RALGPS1: variants seen among roughly 807,000 people sequenced by gnomAD.
The protein encoded by RALGPS1 is ras-specific guanine nucleotide-releasing factor RalGPS1.
A neutral mutation model predicts 78.8 loss-of-function variants in RALGPS1; 19 were observed. The observed-to-expected ratio is 0.24, with a 90% CI of 0.17 to 0.35. The LOEUF (loss-of-function observed/expected upper bound fraction) is 0.35, where lower values mean the gene tolerates loss of function less well. Among genes scored for constraint, RALGPS1 ranks in the 10% least tolerant of loss-of-function variants. The pLI, the probability that RALGPS1 is intolerant of heterozygous loss-of-function variation, is 1.00. For missense variants in RALGPS1, 454 were observed against 688.3 expected, an observed-to-expected ratio of 0.66 and a Z score of 3.81; for synonymous variants, 228 against 256.3, an observed-to-expected ratio of 0.89 and a Z score of 1.06.
chr9:127,032,639 G>C (rs1306086893), intron 4 of RALGPS1, among the ~76,000 whole-genome samples: 1 of 152,192 alleles, frequency 6.6e-6, no homozygotes, highest in Non-Finnish European at 1.5e-5. Context: ...ATTCAAGTAT[G>C]TGTTTTAAAG....
At chr9:127,096,337 A>T (rs1248486686) in intron 8 of RALGPS1, among the ~76,000 whole-genome samples, 1 of 152,236 alleles carries the variant, frequency 6.6e-6, no homozygotes, top group Non-Finnish European at 1.5e-5. Context: ...GCTCCTTACC[A>T]AGTCAGCAGC....
chr9:127,177,212 G>C (rs1338366595), intron 11 of RALGPS1, among the ~76,000 whole-genome samples: 2 of 152,132 alleles, frequency 1.3e-5, no homozygotes, highest in African/African-American at 4.8e-5. Flanking sequence ...GGATAGATGG[G>C]TGGATGAAGA....
chr9:127,108,411 C>G (rs2054463177), intron 8 of RALGPS1: 3 of 1,608,912 alleles, frequency 1.9e-6, no homozygotes, highest in Non-Finnish European at 2.5e-6. Context: ...CCACCAGCTG[C>G]TGCAGCGTCT....
chr9:127,055,212 A>G (rs28477785), intron 7 of RALGPS1, among the ~76,000 whole-genome samples: 1,801 of 151,092 alleles, frequency 0.012, 34 homozygotes, highest in African/African-American at 0.035. Context: ...CTATCTATCT[A>G]TCTGTCTGTC....
chr9:127,030,072 T>G (rs2046300782), intron 4 of RALGPS1, among the ~76,000 whole-genome samples: 1 of 152,186 alleles, frequency 6.6e-6, no homozygotes, highest in Non-Finnish European at 1.5e-5. Flanking sequence ...CTAAATGAAT[T>G]TTTTGTTGTT....
intron 8 of RALGPS1, among the ~76,000 whole-genome samples, chr9:127,076,333 T>C (rs1263232746): frequency 6.6e-6 from 1 of 152,204 alleles, no homozygotes; most frequent in Non-Finnish European, 1.5e-5. Flanking sequence ...GGTTTAGAGC[T>C]GATTCTAAAA....
In RALGPS1 at chr9:126,948,828, T is replaced by C. The variant is rs538944063; in HGVS notation, c.-65-13397T>C. ...AATCTCCCAAGTTCTTTTTTTTTTTTATTATACTTTAAGTTTTAGGGTACA... is the reference window on the plus strand; with the variant it reads ...AATCTCCCAAGTTCTTTTTTTTTTTCATTATACTTTAAGTTTTAGGGTACA... On this transcript the variant is annotated intron_variant, in intron 1 of 18. Transcript: ENST00000259351. Among the ~76,000 whole-genome samples, 17 of 151,930 alleles carry C rather than the reference T, an allele frequency of 1.1e-4. No homozygotes were observed. In the South Asian group the frequency reaches 3.5e-3, roughly 32 times the overall value.
chr9:127,182,705 AG>A (rs2060352184), intron 11 of RALGPS1, among the ~76,000 whole-genome samples: 1 of 152,128 alleles, frequency 6.6e-6, no homozygotes, highest in South Asian at 2.1e-4. Flanking sequence ...CTGGGATTAC[AG>A]GCGTGAGTCA....
chr9:127,174,289 G>GAGAA (rs991213828), intron 10 of RALGPS1, among the ~76,000 whole-genome samples: 3 of 122,126 alleles, frequency 2.5e-5, no homozygotes, highest in East Asian at 2.5e-4. Context: ...AAGAAAGAAA[G>GAGAA]AGAAAGAAAG....
Position 127,183,593 on chromosome 9 carries a change from C to T in RALGPS1, c.910+8811C>T, listed in dbSNP as rs139383823. 6.6e-4 allele frequency among the ~76,000 whole-genome samples: 101 copies of T among 152,310 alleles called. No individual in the cohort carries two copies. Among genetic ancestry groups the T allele is most frequent in the Non-Finnish European group, 1.2e-3 (85 of 68,038 alleles). ...ATCAGGCCTGAGTAAGGCACAGTAG[C>T]TCCCCTGGGTCTCCTGACTGCTAGA... On this transcript the variant is annotated intron_variant, in intron 11 of 18. Coordinates refer to ENST00000259351, the MANE Select transcript of RALGPS1 (RefSeq NM_014636.3). The surrounding 1 kb of genome is among the most constrained non-coding windows in gnomAD (Gnocchi z 4.0).
intron 8 of RALGPS1, among the ~76,000 whole-genome samples, chr9:127,128,314 A>C (rs2056774570): frequency 6.6e-6 from 1 of 152,214 alleles, no homozygotes; most frequent in African/African-American, 2.4e-5. Context: ...GCTCTTGTTT[A>C]ATACCAGCAT....
intron 1 of RALGPS1, among the ~76,000 whole-genome samples, chr9:126,949,995 G>T (rs552431182): frequency 6.6e-6 from 1 of 152,210 alleles, no homozygotes; most frequent in South Asian, 2.1e-4. Context: ...TTTGTATAAG[G>T]TGTAAGGAAG....
chr9:127,074,844 C>G (rs79352732), intron 8 of RALGPS1, among the ~76,000 whole-genome samples: 2,357 of 152,366 alleles, frequency 0.015, 64 homozygotes, highest in African/African-American at 0.054. Context: ...ATTCCCCACC[C>G]TATTCAGGTT....
chr9:126,981,864 C>T (rs1182408207), intron 4 of RALGPS1, among the ~76,000 whole-genome samples: 1 of 152,100 alleles, frequency 6.6e-6, no homozygotes, highest in East Asian at 1.9e-4. Context: ...AGTGGCTTAG[C>T]TGGGTGGTCC....
chr9:126,940,630 G>C (rs1053944180), intron 1 of RALGPS1, among the ~76,000 whole-genome samples: 1 of 151,888 alleles, frequency 6.6e-6, no homozygotes, highest in Non-Finnish European at 1.5e-5. Context: ...TGTAGTAGAG[G>C]TGGGGTTTTG....
At chr9:126,985,027 T>TA (rs1436246932) in intron 4 of RALGPS1, among the ~76,000 whole-genome samples, 8 of 152,368 alleles carry the variant, frequency 5.3e-5, no homozygotes, top group African/African-American at 1.9e-4. Flanking sequence ...CTTCTCAACT[T>TA]ACTCCTTGTC....
chr9:126,948,763 A>G (rs1280268323), intron 1 of RALGPS1, among the ~76,000 whole-genome samples: 1 of 151,160 alleles, frequency 6.6e-6, no homozygotes, highest in Non-Finnish European at 1.5e-5. Context: ...TCCCTTCCCC[A>G]AGAAGACGCT....
intron 8 of RALGPS1, among the ~76,000 whole-genome samples, chr9:127,153,410 T>C (rs891502199): frequency 2.8e-5 from 4 of 140,954 alleles, no homozygotes; most frequent in African/African-American, 1.1e-4. Flanking sequence ...AGCAGTTTCA[T>C]GCCCTTAATC....
In RALGPS1 at chr9:127,191,546, C is replaced by T. The variant is rs191849224; in HGVS notation, c.911-3545C>T. 1.1e-3 allele frequency among the ~76,000 whole-genome samples: 163 copies of T among 152,202 alleles called. 1 individual carries two copies. Among genetic ancestry groups the T allele is most frequent in the Middle Eastern group, 3.4e-3 (1 of 294 alleles). ...ACTGAACTGTGTCTGCATCCATGCC[C>T]AATACCACACTCTTTGAATACTACT... On this transcript the variant is annotated intron_variant, in intron 11 of 18. Coordinates refer to ENST00000259351, the MANE Select transcript of RALGPS1 (RefSeq NM_014636.3).
Sources: gnomAD v4.1 joint callset for allele counts (sites outside exome capture counted in the v4.1 genomes callset) on GRCh38, gnomAD v4.1.1 for gene constraint, Gnocchi (gnomAD v3.1) non-coding constraint, MANE v1.5 for transcripts, NCBI Gene and HGNC (gene_info 2026-07-23, HGNC 2026-07-21) for gene names.